The following CAMKMT variants were observed in gnomAD, a reference collection of about 807,000 sequenced individuals.
The protein encoded by CAMKMT is calmodulin-lysine N-methyltransferase.
CAMKMT carries 53 observed loss-of-function variants against 48.0 expected under a neutral mutation model. The observed-to-expected ratio is 1.10, with a 90% CI of 0.89 to 1.39. The LOEUF is 1.39. CAMKMT is among the 40% of genes most tolerant of loss of function. The probability of loss-of-function intolerance (pLI) is 0.00; values close to 1 mark genes in which losing one functional copy is unlikely to be tolerated. For synonymous variants in CAMKMT, 165 were observed against 152.3 expected, an observed-to-expected ratio of 1.08 and a Z score of -0.61; for missense variants, 428 against 402.7, an observed-to-expected ratio of 1.06 and a Z score of -0.54.
In CAMKMT at chr2:44,747,878, C is replaced by CTG. The variant is rs111887533; in HGVS notation, c.698+4197_698+4198dup. 3.9e-4 allele frequency among the ~76,000 whole-genome samples: 59 copies of CTG among 150,424 alleles called. No homozygotes were observed. In the East Asian group the frequency reaches 8.2e-3, roughly 21 times the overall value. Reference sequence around the variant, plus strand: ...GTGAATTATATAGAGGTCTGTGTGTCTGTGTGTGTGTGTGTGCATGGGTGC... The same window carrying CTG: ...GTGAATTATATAGAGGTCTGTGTGTCTGTGTGTGTGTGTGTGTGCATGGGTGC... On this transcript the variant is annotated intron_variant, in intron 8 of 10. Coordinates refer to ENST00000378494, the MANE Select transcript of CAMKMT (RefSeq NM_024766.5).
At chr2:44,516,195 A>T (rs1670824389) in intron 3 of CAMKMT, among the ~76,000 whole-genome samples, 1 of 152,170 alleles carries the variant, frequency 6.6e-6, no homozygotes, top group Non-Finnish European at 1.5e-5. Context: ...AATTTCTTTC[A>T]CAGTTCACGT....
At chr2:44,508,003 G>A (rs1245379594) in intron 3 of CAMKMT, among the ~76,000 whole-genome samples, 1 of 152,148 alleles carries the variant, frequency 6.6e-6, no homozygotes, top group Non-Finnish European at 1.5e-5. Context: ...GGACTTTTAT[G>A]CATGTGTTTA....
intron 3 of CAMKMT, among the ~76,000 whole-genome samples, chr2:44,491,922 A>T (rs1392442695): frequency 6.6e-6 from 1 of 152,220 alleles, no homozygotes; most frequent in Non-Finnish European, 1.5e-5. Context: ...TTAATCAATT[A>T]AGTAATTAGA....
At chr2:44,707,966 CTTTTATTTAGGA>C (rs1367681782) in intron 6 of CAMKMT, among the ~76,000 whole-genome samples, 4 of 152,090 alleles carry the variant, frequency 2.6e-5, no homozygotes, top group Admixed American at 6.6e-5. Flanking sequence ...TCATTATTTC[CTTTTATTTAGGA>C]TTTTATTTAG....
At chr2:44,390,421 A>T (rs1199364955) in intron 3 of CAMKMT, 116 bp downstream of exon 3, 1 of 650,594 alleles carries the variant, frequency 1.5e-6, no homozygotes. Context: ...GCATATATGT[A>T]TATATAATAG....
intron 3 of CAMKMT, among the ~76,000 whole-genome samples, chr2:44,616,960 TG>T (rs1671927726): frequency 6.6e-6 from 1 of 152,188 alleles, no homozygotes; most frequent in South Asian, 2.1e-4. Context: ...GAAAAAAAGC[TG>T]CAGAGTTCAA....
chr2:44,368,287 G>T (rs1490730155), intron 1 of CAMKMT, among the ~76,000 whole-genome samples: 1 of 152,072 alleles, frequency 6.6e-6, no homozygotes, highest in African/African-American at 2.4e-5. Flanking sequence ...AGATGATAAG[G>T]TTATAACTTG....
intron 2 of CAMKMT, among the ~76,000 whole-genome samples, chr2:44,387,055 A>G (rs1414433002): frequency 6.6e-6 from 1 of 152,064 alleles, no homozygotes; most frequent in Non-Finnish European, 1.5e-5. Flanking sequence ...TATAGTTTAA[A>G]TCTATTGTTT....
intron 3 of CAMKMT, among the ~76,000 whole-genome samples, chr2:44,593,937 A>G (rs1486179330): frequency 6.6e-6 from 1 of 151,712 alleles, no homozygotes; most frequent in Non-Finnish European, 1.5e-5. Context: ...CTAATTTGGT[A>G]TTTTTAGTAG....
chr2:44,647,331 G>A (rs559104510), intron 3 of CAMKMT, among the ~76,000 whole-genome samples: 4 of 152,072 alleles, frequency 2.6e-5, no homozygotes, highest in African/African-American at 4.8e-5. Flanking sequence ...AAAGTGTCAC[G>A]TTGGTTTATC....
chr2:44,681,113 T>C (rs958194233), intron 3 of CAMKMT, among the ~76,000 whole-genome samples: 5 of 152,200 alleles, frequency 3.3e-5, no homozygotes, highest in African/African-American at 4.8e-5. Context: ...CTTTAAAAGC[T>C]TTAGGCTGAA....
chr2:44,660,762 C>A (rs1674637600), intron 3 of CAMKMT, among the ~76,000 whole-genome samples: 1 of 152,098 alleles, frequency 6.6e-6, no homozygotes, highest in Non-Finnish European at 1.5e-5. Flanking sequence ...CACACACTAC[C>A]ATGCCTGGCA....
At chr2:44,553,879 C>G (rs1356329131) in intron 3 of CAMKMT, among the ~76,000 whole-genome samples, 1 of 151,938 alleles carries the variant, frequency 6.6e-6, no homozygotes, top group Admixed American at 6.6e-5. Flanking sequence ...GTATGACATC[C>G]CTCTCATAAG....
intron 3 of CAMKMT, among the ~76,000 whole-genome samples, chr2:44,501,874 G>A (rs1002877119): frequency 1.4e-4 from 21 of 151,998 alleles, no homozygotes; most frequent in Non-Finnish European, 2.4e-4. Flanking sequence ...ATAGAGTAGC[G>A]GGGTGGGTTG....
At chr2:44,589,989 T>G (rs1283432695) in intron 3 of CAMKMT, among the ~76,000 whole-genome samples, 1 of 150,818 alleles carries the variant, frequency 6.6e-6, no homozygotes, top group Non-Finnish European at 1.5e-5. Flanking sequence ...GTATTGACCT[T>G]GTGTCCTGCA....
rs534772983 is a variant in CAMKMT, at chr2:44,745,470, A to C, written c.698+1774A>C. 2.0e-5 allele frequency among the ~76,000 whole-genome samples: 3 copies of C among 152,348 alleles called. No homozygotes were observed. The East Asian group carries it at 5.8e-4, about 29-fold the overall frequency. ...GCCGACAACAGGGTCACGTACACTG[A>C]TATACATAATGCATATTCAATTTAA... On this transcript the variant is annotated intron_variant, in intron 8 of 10. Coordinates refer to ENST00000378494, the MANE Select transcript of CAMKMT (RefSeq NM_024766.5).
intron 2 of CAMKMT, among the ~76,000 whole-genome samples, chr2:44,382,360 CATT>C (rs1680334943): frequency 6.6e-6 from 1 of 151,992 alleles, no homozygotes; most frequent in South Asian, 2.1e-4. Flanking sequence ...GACAAAGAAT[CATT>C]ATGTTATTAT....
intron 3 of CAMKMT, among the ~76,000 whole-genome samples, chr2:44,477,362 A>G (rs940579999): frequency 1.3e-5 from 2 of 152,232 alleles, no homozygotes; most frequent in African/African-American, 4.8e-5. Context: ...GTTTCAGTAC[A>G]ATGATATTTA....
intron 3 of CAMKMT, among the ~76,000 whole-genome samples, chr2:44,683,200 T>C (rs565402300): frequency 2.2e-5 from 3 of 135,376 alleles, no homozygotes; most frequent in African/African-American, 8.7e-5. Context: ...AAACTGTTTA[T>C]TGAGAAATAG....
Sources: allele counts gnomAD v4.1 joint callset (sites outside exome capture counted in the v4.1 genomes callset), GRCh38; gene constraint gnomAD v4.1.1; transcripts MANE v1.5; gene names NCBI Gene and HGNC (gene_info 2026-07-23, HGNC 2026-07-21).